The following CALD1 variants were observed in gnomAD, a reference collection of about 807,000 sequenced individuals.
CALD1 encodes the protein caldesmon.
Under a neutral mutation model 99.9 loss-of-function variants are expected in CALD1, and 33 were observed. The ratio of observed to expected loss-of-function variants is 0.33; its 90% CI spans 0.25 to 0.44. The LOEUF (loss-of-function observed/expected upper bound fraction) is 0.44, where lower values mean the gene tolerates loss of function less well. CALD1 is among the 20% of genes least tolerant of loss of function. CALD1 has a pLI of 1.00. For missense variants in CALD1, 861 were observed against 962.1 expected (o/e 0.89, Z 1.39); for synonymous variants, 310 against 325.0 (o/e 0.95, Z 0.50).
At chr7:134,900,254 G>C (rs561392412) in intron 3 of CALD1, among the ~76,000 whole-genome samples, 1 of 152,190 alleles carries the variant, frequency 6.6e-6, no homozygotes, top group Admixed American at 6.5e-5. Context: ...TGTATACCTA[G>C]CTTTTAGCTG....
chr7:134,891,623 G>T (rs1193144009), intron 3 of CALD1: 2 of 1,609,524 alleles, frequency 1.2e-6, no homozygotes. Flanking sequence ...CTGCGGACAT[G>T]CTGGGTGGAT....
At chr7:134,831,236 AGACTG>A (rs946295168) in intron 1 of CALD1, among the ~76,000 whole-genome samples, 4 of 152,204 alleles carry the variant, frequency 2.6e-5, no homozygotes, top group African/African-American at 9.7e-5. Context: ...TTGAAAAAAA[AGACTG>A]GAAGGAAATA....
chr7:134,955,221 C>A (rs909580677), intron 9 of CALD1, among the ~76,000 whole-genome samples: 1 of 152,110 alleles, frequency 6.6e-6, no homozygotes, highest in East Asian at 1.9e-4. Context: ...GAAATCCCAT[C>A]TCTACTGAAA....
chr7:134,838,802 T>C (rs992725411), intron 1 of CALD1, among the ~76,000 whole-genome samples: 4 of 152,234 alleles, frequency 2.6e-5, no homozygotes, highest in Non-Finnish European at 5.9e-5. Context: ...ACTGGTACAA[T>C]GTATGACAAG....
chr7:134,806,713 G>T (rs140866423), intron 1 of CALD1, among the ~76,000 whole-genome samples: 3 of 151,950 alleles, frequency 2.0e-5, no homozygotes, highest in East Asian at 1.9e-4. Context: ...ATAGTGCCTC[G>T]GTTTGCTTGT....
At chr7:134,735,903 A>G in the CALD1 span, among the ~76,000 whole-genome samples, 1 of 152,196 alleles carries the variant, frequency 6.6e-6, no homozygotes, top group Non-Finnish European at 1.5e-5. Flanking sequence ...CCTTGGGGAC[A>G]TTGAAGAGTA....
upstream of CALD1, chr7:134,779,378 C>T (rs1797015441): frequency 3.2e-6 from 1 of 307,774 alleles, no homozygotes. Context: ...GCAGCGTGCA[C>T]GCAGTTTCAG....
chr7:134,817,913 A>G (rs553984576), intron 1 of CALD1, among the ~76,000 whole-genome samples: 4 of 152,210 alleles, frequency 2.6e-5, no homozygotes, highest in Non-Finnish European at 5.9e-5. Flanking sequence ...TTGTGGCAAC[A>G]AGATTTAGAA....
chr7:134,788,175 A>G (rs886449713), intron 1 of CALD1, among the ~76,000 whole-genome samples: 1 of 152,204 alleles, frequency 6.6e-6, no homozygotes, highest in African/African-American at 2.4e-5. Flanking sequence ...GAGCCAAGAT[A>G]ATAAATACTC....
intron 3 of CALD1, among the ~76,000 whole-genome samples, chr7:134,921,705 G>T (rs985139702): frequency 6.6e-6 from 1 of 152,108 alleles, no homozygotes; most frequent in Non-Finnish European, 1.5e-5. Flanking sequence ...CCAGCTACTC[G>T]GGAGGCTGAG....
chr7:134,927,557 A>G (rs1805128953), intron 3 of CALD1, among the ~76,000 whole-genome samples: 1 of 150,110 alleles, frequency 6.7e-6, no homozygotes, highest in Admixed American at 6.6e-5. Context: ...GTCTCAAAAA[A>G]AAAAAAAAAA....
intron 3 of CALD1, among the ~76,000 whole-genome samples, chr7:134,927,742 A>G (rs1017524522): frequency 2.6e-5 from 4 of 151,080 alleles, no homozygotes; most frequent in African/African-American, 9.7e-5. Context: ...CCTTAAAGGG[A>G]GCTGCCACCC....
chr7:134,725,460 G>C, the CALD1 span, among the ~76,000 whole-genome samples: 1 of 152,184 alleles, frequency 6.6e-6, no homozygotes, highest in Non-Finnish European at 1.5e-5. Flanking sequence ...TTTAGGGCAG[G>C]ATTTGCAATT....
chr7:134,777,650 G>A (rs944560503), upstream of CALD1, among the ~76,000 whole-genome samples: 2 of 152,170 alleles, frequency 1.3e-5, no homozygotes, highest in African/African-American at 2.4e-5. Flanking sequence ...ATGGAAAATA[G>A]CACTTTCAAA....
At chr7:134,964,424 T>C (rs1351271321) in intron 13 of CALD1, among the ~76,000 whole-genome samples, 1 of 152,130 alleles carries the variant, frequency 6.6e-6, no homozygotes, top group African/African-American at 2.4e-5. Flanking sequence ...AAAGAACACA[T>C]ACTTCAGAGT....
At position 134,970,531 on chromosome 7, in the gene CALD1, C is replaced by G. The variant is rs188465982; in HGVS notation, c.*2186C>G. 1.4e-4 allele frequency: 21 copies of G among 152,700 alleles called. No homozygotes were observed. The highest frequency in any genetic ancestry group is 4.8e-4 in the African/African-American group (20 of 41,556). 9.5% of individuals were successfully genotyped at this position (152,700 alleles called of 1,614,324 possible). On this transcript the variant is annotated 3_prime_UTR_variant, in exon 15 of 15. Coordinates refer to ENST00000361675, the MANE Select transcript of CALD1 (RefSeq NM_033138.4). ...TGACTAGCATGTTCTGTGAATCTGC[C>G]ATTCCTAAAAATTTTATAAACACTT...
chr7:134,854,844 G>A (rs2006240), intron 2 of CALD1, among the ~76,000 whole-genome samples: 73,247 of 151,952 alleles, frequency 0.48, 18,465 homozygotes, highest in East Asian at 0.77. Context: ...ATCTCATGTC[G>A]AATTGTGATC....
upstream of CALD1, among the ~76,000 whole-genome samples, chr7:134,776,398 C>A (rs1265184694): frequency 6.6e-6 from 1 of 151,940 alleles, no homozygotes; most frequent in Non-Finnish European, 1.5e-5. Context: ...CTTTTTTCTA[C>A]TTCTCTTATT....
intron 3 of CALD1, among the ~76,000 whole-genome samples, chr7:134,894,257 T>C (rs1802407624): frequency 6.6e-6 from 1 of 152,212 alleles, no homozygotes; most frequent in South Asian, 2.1e-4. Context: ...TTTGTCTAAA[T>C]GCGTTCGGGG....
Sources: allele counts gnomAD v4.1 joint callset (sites outside exome capture counted in the v4.1 genomes callset), GRCh38; gene constraint gnomAD v4.1.1; transcripts MANE v1.5; gene names NCBI Gene and HGNC (gene_info 2026-07-23, HGNC 2026-07-21).